MOK: variants seen among roughly 807,000 people sequenced by gnomAD.
MOK encodes MAPK/MAK/MRK overlapping kinase.
Under a neutral mutation model 54.2 loss-of-function variants are expected in MOK, and 59 were observed. The observed-to-expected ratio is 1.09, with a 90% CI of 0.88 to 1.35. MOK has a LOEUF of 1.35. Ranked by LOEUF, MOK falls within the 40% of genes most tolerant of loss-of-function variation. The pLI, the probability that MOK is intolerant of heterozygous loss-of-function variation, is 0.00. For synonymous variants in MOK, 210 were observed against 202.7 expected (o/e 1.04, Z -0.31); for missense variants, 517 against 526.2 (o/e 0.98, Z 0.17).
intron 1 of MOK, among the ~76,000 whole-genome samples, chr14:102,286,298 CAAAAAAAAAA>C (rs60479729): frequency 7.8e-5 from 2 of 25,586 alleles, no homozygotes; most frequent in Non-Finnish European, 1.6e-4. Flanking sequence ...GACTCCGTCT[CAAAAAAAAAA>C]AAAAAAAAAA....
At position 102,232,578 on chromosome 14, in the gene MOK, C is replaced by T. The variant is rs754455482; in HGVS notation, c.823G>A (p.Ala275Thr). 35 of 1,613,616 alleles carry T rather than the reference C, an allele frequency of 2.2e-5. No homozygotes were observed. The highest frequency in any genetic ancestry group is 8.9e-5 in the East Asian group (4 of 44,886). The change falls in exon 9 of 12, where the codon GCC becomes ACC. Residue 275 changes from alanine to threonine, a missense_variant. Physicochemically the swap from Ala to Thr is moderately conservative, Grantham distance 58. Coordinates refer to ENST00000361847, the MANE Select transcript of MOK (RefSeq NM_014226.3). This position sits in a 1 kb window ranked among gnomAD's most constrained non-coding sequence, Gnocchi z 5.1. ...GGGTGCTGCAGGGCCTGGTGGGCGG[C>T]GATTCTCTCATCGGGATCATAGGCC... ...MVAYDPDERI[A>T]AHQALQHPYF...
Position 102,232,001 on chromosome 14 carries a change from G to A in MOK, c.867-180C>T. On this transcript the variant is annotated intron_variant, in intron 9 of 11. Transcript: ENST00000361847. The surrounding 1 kb of genome is among the most constrained non-coding windows in gnomAD (Gnocchi z 5.1). ...TCTGTCTCAGCCTGACAGTCTCTGG[G>A]CCAGGAACAGAGCTGGCTCCATGAA... is the stretch of plus-strand genomic sequence containing the variant. 1 of 536,110 alleles carries A rather than the reference G, an allele frequency of 1.9e-6. No homozygotes were observed. The highest frequency in any genetic ancestry group is 3.3e-6 in the Non-Finnish European group (1 of 303,284). 33.2% of individuals were successfully genotyped at this position (536,110 alleles called of 1,614,324 possible).
Position 102,232,347 on chromosome 14 carries a change from T to G in MOK, c.866+188A>C. ...CCGTGGAGCTGCTAACATCCTCATT[T>G]TGGGGAGGATACACCAGAAGGCAGC... On this transcript the variant is annotated intron_variant, in intron 9 of 11. Transcript: ENST00000361847. The surrounding 1 kb of genome is among the most constrained non-coding windows in gnomAD (Gnocchi z 5.1). 1.8e-6 allele frequency: 1 copy of G among 552,780 alleles called. No individual in the cohort carries two copies. Among genetic ancestry groups the G allele is most frequent in the Non-Finnish European group, 3.0e-6 (1 of 334,800 alleles). 34.2% of individuals were successfully genotyped at this position (552,780 alleles called of 1,614,324 possible). A position where few individuals can be genotyped will look rare whatever the true frequency, so the allele number is the denominator to read the frequency against.
chr14:102,303,802 G>A (rs2072493586), intron 1 of MOK, among the ~76,000 whole-genome samples: 1 of 152,176 alleles, frequency 6.6e-6, no homozygotes, highest in South Asian at 2.1e-4. Flanking sequence ...CAGAGCGAAA[G>A]CGAGCACACA....
chr14:102,216,013 G>A, the MOK span, among the ~76,000 whole-genome samples: 1 of 152,150 alleles, frequency 6.6e-6, no homozygotes, highest in African/African-American at 2.4e-5. Context: ...CTTCCCTGCT[G>A]TGTCATGAGA....
At chr14:102,251,026 C>T (rs749841264) in intron 6 of MOK, 36 bp from the exon 7 acceptor site, 3 of 1,601,422 alleles carry the variant, frequency 1.9e-6, no homozygotes, top group Non-Finnish European at 2.6e-6. Flanking sequence ...AGTAACATCC[C>T]ATTATGTGGC....
chr14:102,224,586 T>C (rs1035497793), downstream of MOK: 5 of 456,002 alleles, frequency 1.1e-5, no homozygotes, highest in African/African-American at 6.0e-5. Context: ...ATTGGGGGCA[T>C]GTCTTTACTT....
intron 1 of MOK, among the ~76,000 whole-genome samples, chr14:102,293,388 C>A (rs1336783102): frequency 6.6e-6 from 1 of 152,090 alleles, no homozygotes; most frequent in African/African-American, 2.4e-5. Flanking sequence ...ATCATACACA[C>A]AACACATGCA....
At chr14:102,248,080 C>G (rs2153106542) in intron 7 of MOK, among the ~76,000 whole-genome samples, 1 of 152,346 alleles carries the variant, frequency 6.6e-6, no homozygotes, top group East Asian at 1.9e-4. Context: ...TCCCCCATAA[C>G]CATCACCCCT....
At chr14:102,272,876 G>GA (rs34459178) in intron 2 of MOK, among the ~76,000 whole-genome samples, 1 of 151,954 alleles carries the variant, frequency 6.6e-6, no homozygotes, top group Non-Finnish European at 1.5e-5. Context: ...GGAAAGGCTA[G>GA]AAAAAAAGTC....
Position 102,279,628 on chromosome 14 carries a change from T to C in MOK, c.122+3850A>G, listed in dbSNP as rs182717771. ...CAAAGAGAGCCTATTCTTAATTGTG[T>C]ACTTTTGGCAAGTATTGGTGGAGGA... On this transcript the variant is annotated intron_variant, in intron 2 of 11. Coordinates refer to ENST00000361847, the MANE Select transcript of MOK (RefSeq NM_014226.3). 3.5e-3 allele frequency among the ~76,000 whole-genome samples: 540 copies of C among 152,230 alleles called. 5 individuals carry two copies. Among genetic ancestry groups the C allele is most frequent in the Non-Finnish European group, 3.3e-3 (227 of 68,014 alleles).
At chr14:102,304,916 C>A in intron 1 of MOK, 46 bp downstream of exon 1, 1 of 1,566,314 alleles carries the variant, frequency 6.4e-7, no homozygotes, top group Non-Finnish European at 8.7e-7. Context: ...CTCCCTCCCC[C>A]GCCACTCGCT....
At chr14:102,279,878 T>C (rs1163312163) in intron 2 of MOK, among the ~76,000 whole-genome samples, 2 of 151,868 alleles carry the variant, frequency 1.3e-5, no homozygotes, top group East Asian at 3.9e-4. Context: ...AAGCCATCCG[T>C]TTCTATTTGA....
At chr14:102,222,490 C>G (rs567420317), downstream of MOK, among the ~76,000 whole-genome samples, 9 of 152,330 alleles carry the variant, frequency 5.9e-5, no homozygotes, top group African/African-American at 2.2e-4. The surrounding 1 kb of genome is among the most constrained non-coding windows in gnomAD (Gnocchi z 4.4). Context: ...ACACCTCCCA[C>G]GAGGCACCTG....
chr14:102,270,604 A>G (rs1466300470), intron 2 of MOK, among the ~76,000 whole-genome samples: 3 of 152,158 alleles, frequency 2.0e-5, no homozygotes, highest in Non-Finnish European at 4.4e-5. Flanking sequence ...ATCTCAAAAA[A>G]AAAAAATTAA....
Position 102,229,173 on chromosome 14 carries a change from C to T in MOK, c.*116G>A. 1 of 1,155,600 alleles carries T rather than the reference C, an allele frequency of 8.7e-7. No individual in the cohort carries two copies. The highest frequency in any genetic ancestry group is 1.2e-6 in the Non-Finnish European group (1 of 828,840). The allele number at this position is 1,155,600 out of a possible 1,614,324, so 71.6% of individuals were successfully genotyped here. A position where few individuals can be genotyped will look rare whatever the true frequency, so the allele number is the denominator to read the frequency against. ...GCAGCACCCAGAGCCCCGGCCAGCG[C>T]GAAACGGACGCAGGCGCATCCCCAG... On this transcript the variant is annotated 3_prime_UTR_variant, in exon 12 of 12. Coordinates refer to ENST00000361847, the MANE Select transcript of MOK (RefSeq NM_014226.3).
chr14:102,274,636 G>A (rs1445450317), intron 2 of MOK, among the ~76,000 whole-genome samples: 1 of 151,604 alleles, frequency 6.6e-6, no homozygotes, highest in African/African-American at 2.4e-5. Flanking sequence ...ATTCTAAAAT[G>A]TATGTGGATG....
At chr14:102,302,802 A>T (rs916718150) in intron 1 of MOK, among the ~76,000 whole-genome samples, 1 of 151,500 alleles carries the variant, frequency 6.6e-6, no homozygotes, top group Non-Finnish European at 1.5e-5. Context: ...TTATATATTT[A>T]TATATAATAT....
intron 7 of MOK, among the ~76,000 whole-genome samples, chr14:102,242,595 C>A (rs1361020289): frequency 6.6e-6 from 1 of 152,126 alleles, no homozygotes; most frequent in East Asian, 1.9e-4. Flanking sequence ...CCACTCAACG[C>A]CAATATCCCA....
Sources: gnomAD v4.1 joint callset for allele counts (sites outside exome capture counted in the v4.1 genomes callset) on GRCh38, gnomAD v4.1.1 for gene constraint, Gnocchi (gnomAD v3.1) non-coding constraint, MANE v1.5 for transcripts, NCBI Gene and HGNC (gene_info 2026-07-23, HGNC 2026-07-21) for gene names.